The following NBAS variants were observed in gnomAD, a reference collection of about 807,000 sequenced individuals.
NBAS encodes the protein NAG/BC035112 fusion.
A neutral mutation model predicts 302.5 loss-of-function variants in NBAS; 219 were observed. The ratio of observed to expected loss-of-function variants is 0.72; its 90% CI spans 0.65 to 0.81. The LOEUF (loss-of-function observed/expected upper bound fraction) is 0.81, where lower values mean the gene tolerates loss of function less well. Ranked by LOEUF, NBAS falls within the 30% of genes least tolerant of loss-of-function variation. NBAS has a pLI of 0.00. For synonymous variants in NBAS, 1,118 were observed against 1,021.6 expected (o/e 1.09, Z -1.80); for missense variants, 2,932 against 2,841.6 (o/e 1.03, Z -0.72).
chr2:15,435,777 T>A (rs1431599326), intron 21 of NBAS, among the ~76,000 whole-genome samples: 2 of 152,232 alleles, frequency 1.3e-5, no homozygotes, highest in Non-Finnish European at 2.9e-5. Context: ...CCATGTGGCA[T>A]TTAATCTTTC....
chr2:14,903,747 C>T, the NBAS span, among the ~76,000 whole-genome samples: 137 of 152,308 alleles, frequency 9.0e-4, no homozygotes, highest in Non-Finnish European at 1.5e-3. Context: ...TCAAAGGAAT[C>T]GGGGAGCAAA....
chr2:15,143,190 A>G, the NBAS span, among the ~76,000 whole-genome samples: 1 of 152,108 alleles, frequency 6.6e-6, no homozygotes, highest in African/African-American at 2.4e-5. Flanking sequence ...CCTTTCTACA[A>G]TTCTTTATCT....
At chr2:14,867,719 T>G in the NBAS span, among the ~76,000 whole-genome samples, 1 of 152,216 alleles carries the variant, frequency 6.6e-6, no homozygotes, top group Non-Finnish European at 1.5e-5. Context: ...AAAGGTGGAA[T>G]TTTTTGCTTG....
At chr2:15,209,573 C>T (rs1001263821) in intron 48 of NBAS, among the ~76,000 whole-genome samples, 1 of 152,052 alleles carries the variant, frequency 6.6e-6, no homozygotes, top group African/African-American at 2.4e-5. Context: ...AGATTTAATG[C>T]AATTTCTCTC....
At chr2:15,015,963 G>A in the NBAS span, among the ~76,000 whole-genome samples, 2 of 151,952 alleles carry the variant, frequency 1.3e-5, no homozygotes, top group Non-Finnish European at 2.9e-5. Context: ...ACAAAACTTA[G>A]TAGCATTTCT....
chr2:15,551,508 T>C lies in NBAS; in HGVS notation c.364A>G (p.Ile122Val). The change falls in exon 6 of 52, where the codon ATT becomes GTT. Residue 122 changes from isoleucine (I) to valine (V), a missense_variant. By Grantham distance (29) the Ile-to-Val change is conservative (BLOSUM62 3). Coordinates refer to ENST00000281513, the MANE Select transcript of NBAS (RefSeq NM_015909.4). ...RSAKDDFTSI[I>V]GKCQVPKDPK... ...AAACTCTTACCTTGACATTTCCCAA[T>C]AATGGATGTAAAATCATCTTTTGCA... 6.2e-7 allele frequency: 1 copy of C among 1,609,278 alleles called. No homozygotes were observed. The highest frequency in any genetic ancestry group is 1.1e-5 in the South Asian group (1 of 90,276).
chr2:14,806,923 G>A, the NBAS span, among the ~76,000 whole-genome samples: 2 of 146,666 alleles, frequency 1.4e-5, no homozygotes, highest in Non-Finnish European at 3.1e-5. Context: ...AGACCTCCCT[G>A]GGGGTACATG....
the NBAS span, among the ~76,000 whole-genome samples, chr2:15,150,922 AGTAGG>A: frequency 2.0e-5 from 3 of 152,232 alleles, no homozygotes; most frequent in African/African-American, 7.2e-5. Context: ...TGAATCTAAG[AGTAGG>A]CAAAACCTAT....
chr2:15,126,294 T>A, the NBAS span, among the ~76,000 whole-genome samples: 1 of 152,210 alleles, frequency 6.6e-6, no homozygotes, highest in Non-Finnish European at 1.5e-5. Flanking sequence ...GCCAGCACCA[T>A]GCTTGTTGTA....
At chr2:15,488,645 T>A (rs1449526805) in intron 12 of NBAS, among the ~76,000 whole-genome samples, 1 of 151,876 alleles carries the variant, frequency 6.6e-6, no homozygotes, top group Non-Finnish European at 1.5e-5. Flanking sequence ...AAATGAAGAG[T>A]TTAACAAACT....
intron 47 of NBAS, among the ~76,000 whole-genome samples, chr2:15,231,640 T>C (rs371534385): frequency 4.6e-5 from 7 of 152,312 alleles, no homozygotes; most frequent in African/African-American, 1.4e-4. Flanking sequence ...CAAAAGTTTA[T>C]ACATTTAAAT....
Position 15,167,068 on chromosome 2 carries a change from C to A in NBAS, c.7096G>T (p.Ala2366Ser), listed in dbSNP as rs778106322. 2 of 1,595,328 alleles carry A rather than the reference C, an allele frequency of 1.3e-6. No homozygotes were observed. Among genetic ancestry groups the A allele is most frequent in the Admixed American group, 3.4e-5 (2 of 59,126 alleles). The stretch of plus-strand genomic sequence containing the variant: ...GGCCCTCACACCCAGTGCTGTGCTG[C>A]GCGGAGGGCTGTACTGAAGGTTCTG... ...AFRTFSTALR[A>S]AQHWV The change falls in exon 52 of 52, where the codon GCA becomes TCA. Residue 2366 changes from alanine to serine, a missense_variant. Ala to Ser is a moderately conservative substitution (Grantham distance 99). Transcript: ENST00000281513.
chr2:15,356,451 C>A, intron 32 of NBAS, 35 bp from the exon 33 acceptor site: 5 of 1,399,684 alleles, frequency 3.6e-6, no homozygotes, highest in Non-Finnish European at 5.1e-6. Flanking sequence ...ATGATTATGA[C>A]AAGCAACGTC....
chr2:14,969,997 T>C, the NBAS span, among the ~76,000 whole-genome samples: 2 of 152,126 alleles, frequency 1.3e-5, no homozygotes, highest in South Asian at 2.1e-4. Context: ...ACTTAAACTT[T>C]TAGAAATAAA....
chr2:14,836,046 G>C, the NBAS span, among the ~76,000 whole-genome samples: 1 of 151,914 alleles, frequency 6.6e-6, no homozygotes, highest in African/African-American at 2.4e-5. Flanking sequence ...AAGGCATAAA[G>C]TTGAATGCCT....
At chr2:15,451,779 T>C (rs1490183793) in intron 21 of NBAS, among the ~76,000 whole-genome samples, 1 of 152,058 alleles carries the variant, frequency 6.6e-6, no homozygotes, top group Non-Finnish European at 1.5e-5. Flanking sequence ...TCAGGTTGGA[T>C]ACTCTCTTTA....
the NBAS span, among the ~76,000 whole-genome samples, chr2:15,077,034 A>G: frequency 1.3e-5 from 2 of 152,234 alleles, no homozygotes; most frequent in Admixed American, 6.5e-5. Flanking sequence ...GGGATCCTGT[A>G]TTAGTCCATT....
chr2:15,213,943 T>C (rs1666537870), intron 48 of NBAS, among the ~76,000 whole-genome samples: 2 of 152,242 alleles, frequency 1.3e-5, no homozygotes, highest in Admixed American at 6.5e-5. Context: ...GGGACAAACA[T>C]GCTGTGACAT....
intron 19 of NBAS, 108 bp downstream of exon 19, chr2:15,467,221 C>A: frequency 2.4e-6 from 2 of 827,968 alleles, no homozygotes; most frequent in Non-Finnish European, 4.0e-6. Flanking sequence ...TTAATTTTTC[C>A]CAGAAAAATA....
Sources: gnomAD v4.1 joint callset for allele counts (sites outside exome capture counted in the v4.1 genomes callset) on GRCh38, gnomAD v4.1.1 for gene constraint, MANE v1.5 for transcripts, NCBI Gene and HGNC (gene_info 2026-07-23, HGNC 2026-07-21) for gene names.